The following RBFOX3 variants were observed in gnomAD, a reference collection of about 807,000 sequenced individuals.
RBFOX3 encodes RNA binding fox-1 homolog 3.
RBFOX3 carries 17 observed loss-of-function variants against 48.7 expected under a neutral mutation model. The ratio of observed to expected loss-of-function variants is 0.35; its 90% CI spans 0.24 to 0.52. The LOEUF (loss-of-function observed/expected upper bound fraction) is 0.52, where lower values mean the gene tolerates loss of function less well. Among genes scored for constraint, RBFOX3 ranks in the 20% least tolerant of loss-of-function variants. The probability of loss-of-function intolerance (pLI) is 0.94; values close to 1 mark genes in which losing one functional copy is unlikely to be tolerated. For missense variants in RBFOX3, 382 were observed against 497.5 expected (o/e 0.77, Z 2.21); for synonymous variants, 212 against 209.5 (o/e 1.01, Z -0.10).
At chr17:79,508,411 C>G (rs1028845822) in intron 1 of RBFOX3, among the ~76,000 whole-genome samples, 1 of 152,154 alleles carries the variant, frequency 6.6e-6, no homozygotes, top group African/African-American at 2.4e-5. Context: ...CCTGCCTGCC[C>G]GAGGCTGGGC....
intron 4 of RBFOX3, among the ~76,000 whole-genome samples, chr17:79,223,576 A>C (rs955951242): frequency 1.5e-4 from 23 of 152,214 alleles, no homozygotes; most frequent in African/African-American, 4.8e-4. Context: ...CCAGGCTGTG[A>C]CATTTGCCAC....
chr17:79,585,404 A>T (rs1310228021), intron 1 of RBFOX3, among the ~76,000 whole-genome samples: 1 of 151,786 alleles, frequency 6.6e-6, no homozygotes, highest in Non-Finnish European at 1.5e-5. Context: ...AAAAATACGA[A>T]AAATGAGCTG....
At chr17:79,169,016 T>C (rs2048597055) in intron 4 of RBFOX3, among the ~76,000 whole-genome samples, 2 of 152,142 alleles carry the variant, frequency 1.3e-5, no homozygotes, top group Non-Finnish European at 2.9e-5. Context: ...ACACGCACAC[T>C]GGCTCTCGCC....
chr17:79,179,727 A>G (rs1108936), intron 4 of RBFOX3, among the ~76,000 whole-genome samples: 109,377 of 152,188 alleles, frequency 0.72, 40,429 homozygotes, highest in African/African-American at 0.9. Context: ...AACTTGGTCC[A>G]CTGGATCCCA....
At chr17:79,637,792 AGAAGGGAAGGGAAGGGAAGGGAAGG>A in the RBFOX3 span, among the ~76,000 whole-genome samples, 1 of 91,382 alleles carries the variant, frequency 1.1e-5, no homozygotes, top group Admixed American at 1.2e-4. Flanking sequence ...GGAGGGGAAG[AGAAGGGAAGGGAAGGGAAGGGAAGG>A]GAAGGGAAGG....
the RBFOX3 span, among the ~76,000 whole-genome samples, chr17:79,646,147 C>T: frequency 5.3e-5 from 8 of 152,128 alleles, no homozygotes; most frequent in African/African-American, 1.9e-4. Context: ...CGTGATCTGT[C>T]ATGCATGTGC....
chr17:79,467,818 C>T (rs1420737995), intron 2 of RBFOX3, among the ~76,000 whole-genome samples: 1 of 152,058 alleles, frequency 6.6e-6, no homozygotes, highest in Non-Finnish European at 1.5e-5. Flanking sequence ...TTGAGTCCTC[C>T]CAGGAAGGGA....
intron 2 of RBFOX3, among the ~76,000 whole-genome samples, chr17:79,437,551 C>T (rs1052013059): frequency 7.2e-5 from 11 of 152,188 alleles, no homozygotes; most frequent in Admixed American, 5.9e-4. Flanking sequence ...AGGAGCTGGG[C>T]CCCCAGGCCA....
At chr17:79,346,904 CTT>C in intron 2 of RBFOX3, among the ~76,000 whole-genome samples, 1 of 152,320 alleles carries the variant, frequency 6.6e-6, no homozygotes, top group Non-Finnish European at 1.5e-5. Flanking sequence ...CTGAGTTAAA[CTT>C]ATGCCAGATA....
Position 79,204,245 on chromosome 17 carries a change from C to G in RBFOX3, c.-34+31521G>C, listed in dbSNP as rs2057195107. Among the ~76,000 whole-genome samples the G allele has an allele frequency of 6.6e-6, 1 of 152,180 alleles. No individual in the cohort carries two copies. Among genetic ancestry groups the G allele is most frequent in the Non-Finnish European group, 1.5e-5 (1 of 68,038 alleles). On this transcript the variant is annotated intron_variant, in intron 4 of 14. Transcript: ENST00000693108. The surrounding 1 kb of genome is among the most constrained non-coding windows in gnomAD (Gnocchi z 4.5). ...AAAACAGCCACACACCCAAAAAGCT[C>G]CAAGACCCAGTGGATACACACCAGT...
At chr17:79,408,240 C>T (rs1299973643) in intron 2 of RBFOX3, among the ~76,000 whole-genome samples, 1 of 152,168 alleles carries the variant, frequency 6.6e-6, no homozygotes, top group Non-Finnish European at 1.5e-5. Context: ...GGGGCTCTTA[C>T]TAAATGATCT....
Position 79,535,837 on chromosome 17 carries a change from G to A in RBFOX3, c.-319-53239C>T, listed in dbSNP as rs147460996. Among the ~76,000 whole-genome samples the A allele has an allele frequency of 6.8e-3, 1,037 of 152,272 alleles. 7 individuals are homozygous for A. Among genetic ancestry groups the A allele is most frequent in the Non-Finnish European group, 0.011 (734 of 68,022 alleles). On this transcript the variant is annotated intron_variant, in intron 1 of 14. Coordinates refer to ENST00000693108, the MANE Select transcript of RBFOX3 (RefSeq NM_001350451.2). The surrounding 1 kb of genome is among the most constrained non-coding windows in gnomAD (Gnocchi z 4.5). The stretch of plus-strand genomic sequence containing the variant: ...GGAAGAGTCCACACGGAGAGGGGCC[G>A]TGGGTTGATCTCTGCTCCCCCTCAG...
At chr17:79,462,842 C>T (rs1171423190) in intron 2 of RBFOX3, among the ~76,000 whole-genome samples, 6 of 152,200 alleles carry the variant, frequency 3.9e-5, no homozygotes, top group Admixed American at 2.0e-4. Flanking sequence ...GCGTCTCCAG[C>T]CCAGACACAG....
chr17:79,573,707 C>T (rs1320499632), intron 1 of RBFOX3, among the ~76,000 whole-genome samples: 2 of 152,168 alleles, frequency 1.3e-5, no homozygotes, highest in African/African-American at 2.4e-5. Flanking sequence ...CCTCCCCTTC[C>T]GCCTTGCCAT....
chr17:79,627,675 G>A, the RBFOX3 span, among the ~76,000 whole-genome samples: 9 of 152,316 alleles, frequency 5.9e-5, no homozygotes, highest in South Asian at 2.1e-4. Context: ...GAGCAGCGGC[G>A]TAGGTGGCTG....
At chr17:79,261,714 C>T (rs2065812946) in intron 3 of RBFOX3, among the ~76,000 whole-genome samples, 1 of 152,208 alleles carries the variant, frequency 6.6e-6, no homozygotes, top group African/African-American at 2.4e-5. Flanking sequence ...CAGGACCCTC[C>T]CTATCCCATC....
At chr17:79,194,940 G>T (rs900069486) in intron 4 of RBFOX3, among the ~76,000 whole-genome samples, 4 of 109,664 alleles carry the variant, frequency 3.6e-5, no homozygotes, top group Non-Finnish European at 6.1e-5. Flanking sequence ...TCTCAATGTG[G>T]GTGCTGAAGA....
chr17:79,540,503 C>T (rs2089525616), intron 1 of RBFOX3, among the ~76,000 whole-genome samples: 1 of 152,242 alleles, frequency 6.6e-6, no homozygotes, highest in African/African-American at 2.4e-5. Flanking sequence ...TGCCCCACAT[C>T]TGTGCCAAGG....
At chr17:79,424,266 G>A (rs1555724400) in intron 2 of RBFOX3, 1 of 152,490 alleles carries the variant, frequency 6.6e-6, no homozygotes, top group East Asian at 1.9e-4. Context: ...ATCATAGCCT[G>A]TCCGGGCCTC....
Sources: allele counts gnomAD v4.1 joint callset (sites outside exome capture counted in the v4.1 genomes callset), GRCh38; gene constraint gnomAD v4.1.1; non-coding constraint Gnocchi (gnomAD v3.1); transcripts MANE v1.5; gene names NCBI Gene and HGNC (gene_info 2026-07-23, HGNC 2026-07-21).